The following SLC14A2 variants were observed in gnomAD, a reference collection of about 807,000 sequenced individuals.
SLC14A2 encodes urea transporter 2.
Under a neutral mutation model 104.6 loss-of-function variants are expected in SLC14A2, and 91 were observed. The ratio of observed to expected loss-of-function variants is 0.87; its 90% CI spans 0.73 to 1.04. SLC14A2 has a LOEUF of 1.04. SLC14A2 is among the 50% of genes least tolerant of loss of function. The pLI is 0.00. For missense variants in SLC14A2, 1,189 were observed against 1,156.0 expected (o/e 1.03, Z -0.41); for synonymous variants, 476 against 466.4 (o/e 1.02, Z -0.27).
At chr18:45,254,299 C>T (rs1324134730) in intron 1 of SLC14A2, among the ~76,000 whole-genome samples, 2 of 152,220 alleles carry the variant, frequency 1.3e-5, no homozygotes, top group African/African-American at 4.8e-5. Flanking sequence ...CAAGTCCTGG[C>T]ACCCTGGGGA....
At chr18:45,210,087 T>C (rs2083949449), upstream of SLC14A2, among the ~76,000 whole-genome samples, 1 of 152,172 alleles carries the variant, frequency 6.6e-6, no homozygotes, top group South Asian at 2.1e-4. Context: ...TGTCTCCAGA[T>C]CATGGTCGCT....
chr18:45,637,656 G>A (rs934263131), intron 6 of SLC14A2, among the ~76,000 whole-genome samples: 1 of 152,158 alleles, frequency 6.6e-6, no homozygotes, highest in Admixed American at 6.5e-5. Flanking sequence ...TGGTTCTCAG[G>A]CAGGGATAAT....
At chr18:45,192,386 G>T in the SLC14A2 span, among the ~76,000 whole-genome samples, 5 of 152,178 alleles carry the variant, frequency 3.3e-5, no homozygotes, top group Non-Finnish European at 7.4e-5. Context: ...GAGCATCCAT[G>T]TGCAAATCCT....
intron 1 of SLC14A2, among the ~76,000 whole-genome samples, chr18:45,388,331 G>A (rs1598744866): frequency 6.6e-6 from 1 of 151,924 alleles, no homozygotes; most frequent in Admixed American, 6.5e-5. Flanking sequence ...CAAAGTGCTG[G>A]GATTACAGGC....
intron 1 of SLC14A2, among the ~76,000 whole-genome samples, chr18:45,232,422 T>C (rs2084183706): frequency 6.6e-6 from 1 of 152,140 alleles, no homozygotes; most frequent in Admixed American, 6.5e-5. Flanking sequence ...CCCCCAACAT[T>C]GGGAATTACA....
chr18:45,373,584 G>A lies in SLC14A2; in HGVS notation c.-124-109649G>A, dbSNP rs2246772. Among the ~76,000 whole-genome samples, 519 of 152,282 alleles carry A rather than the reference G, an allele frequency of 3.4e-3. 4 individuals carry two copies. Among genetic ancestry groups the A allele is most frequent in the African/African-American group, 0.012 (500 of 41,566 alleles). On this transcript the variant is annotated intron_variant, in intron 1 of 20. Transcript: ENST00000586448. ...TTAAGTGGAACACCAGAGTCTAATA[G>A]GGGACAACTGGGGGCACTATATCAG...
At chr18:45,572,151 G>GTCTT in intron 2 of SLC14A2, among the ~76,000 whole-genome samples, 1 of 152,204 alleles carries the variant, frequency 6.6e-6, no homozygotes, top group East Asian at 1.9e-4. Context: ...GATTAGGTCA[G>GTCTT]TCTTTAAAGC....
At chr18:45,270,891 C>G (rs2084644392) in intron 1 of SLC14A2, among the ~76,000 whole-genome samples, 1 of 152,104 alleles carries the variant, frequency 6.6e-6, no homozygotes, top group South Asian at 2.1e-4. Flanking sequence ...TCACCAAAAC[C>G]AGCAAATGCA....
chr18:45,273,411 C>T lies in SLC14A2; in HGVS notation c.-125+60220C>T, dbSNP rs149554672. Among the ~76,000 whole-genome samples, 32 of 152,192 alleles carry T rather than the reference C, an allele frequency of 2.1e-4. No homozygotes were observed. The East Asian group carries it at 6.2e-3, about 29-fold the overall frequency. ...TGATTGGTTAGGCTTGAGTTATCTT[C>T]TCTGGAGGTAAAATCAAGATAACGT... On this transcript the variant is annotated intron_variant, in intron 1 of 20. Coordinates refer to the SLC14A2 transcript ENST00000586448.
At chr18:45,489,535 C>T (rs534383090) in intron 2 of SLC14A2, among the ~76,000 whole-genome samples, 5 of 152,130 alleles carry the variant, frequency 3.3e-5, no homozygotes, top group African/African-American at 1.2e-4. Context: ...AAACACAATA[C>T]TACTTGGGGG....
At chr18:45,244,651 G>C (rs1031057536) in intron 1 of SLC14A2, among the ~76,000 whole-genome samples, 5 of 151,994 alleles carry the variant, frequency 3.3e-5, no homozygotes, top group Admixed American at 6.6e-5. Context: ...GGGGGGGTGG[G>C]GGAGCAGGTG....
intron 11 of SLC14A2, among the ~76,000 whole-genome samples, chr18:45,665,746 G>A (rs1599147478): frequency 1.7e-5 from 2 of 117,412 alleles, no homozygotes; most frequent in African/African-American, 6.6e-5. Flanking sequence ...ATGTGGAACA[G>A]GAGAAAGAAC....
intron 1 of SLC14A2, among the ~76,000 whole-genome samples, chr18:45,388,668 A>G (rs2085928022): frequency 6.6e-6 from 1 of 152,184 alleles, no homozygotes; most frequent in African/African-American, 2.4e-5. Flanking sequence ...AACACTTAAG[A>G]ATAGGAATTC....
In SLC14A2 at chr18:45,262,493, G is replaced by A. The variant is rs537974352; in HGVS notation, c.-125+49302G>A. Among the ~76,000 whole-genome samples the A allele has an allele frequency of 3.9e-5, 6 of 152,302 alleles. No individual in the cohort carries two copies. In the South Asian group the frequency reaches 1.2e-3, roughly 32 times the overall value. On this transcript the variant is annotated intron_variant, in intron 1 of 20. Transcript: ENST00000586448. ...GGTCCGGACTCTCATTGTGTGCTTT[G>A]AGCCTAACCATAGCCCTGCCAGGGT...
chr18:45,664,968 G>T (rs191654581), intron 11 of SLC14A2, among the ~76,000 whole-genome samples: 1 of 152,290 alleles, frequency 6.6e-6, no homozygotes, highest in Non-Finnish European at 1.5e-5. Context: ...CTGCAGCACT[G>T]GCAGGCAGAG....
intron 1 of SLC14A2, among the ~76,000 whole-genome samples, chr18:45,215,946 G>C (rs1163629501): frequency 6.6e-6 from 1 of 152,112 alleles, no homozygotes; most frequent in Non-Finnish European, 1.5e-5. Flanking sequence ...TCTTCATACA[G>C]TGTACATTTA....
chr18:45,294,271 A>C lies in SLC14A2; in HGVS notation c.-125+81080A>C, dbSNP rs560938123. On this transcript the variant is annotated intron_variant, in intron 1 of 20. Transcript: ENST00000586448. The stretch of plus-strand genomic sequence containing the variant: ...GCAAGTATTACATTTTTACTGAAGA[A>C]AGTAAATTCTCAGCTATGCCATAGG... Among the ~76,000 whole-genome samples the C allele has an allele frequency of 2.0e-5, 3 of 152,362 alleles. No individual in the cohort carries two copies. The East Asian group carries it at 5.8e-4, about 29-fold the overall frequency.
chr18:45,175,020 G>A, the SLC14A2 span, among the ~76,000 whole-genome samples: 2 of 152,148 alleles, frequency 1.3e-5, no homozygotes, highest in South Asian at 2.1e-4. Flanking sequence ...GACATTGCTG[G>A]TGGGAATTTA....
intron 2 of SLC14A2, among the ~76,000 whole-genome samples, chr18:45,546,493 G>C (rs548834331): frequency 6.6e-6 from 1 of 152,304 alleles, no homozygotes; most frequent in African/African-American, 2.4e-5. Flanking sequence ...AGCTGCCTCT[G>C]TTTCTAACAC....
Sources: gnomAD v4.1 joint callset for allele counts (sites outside exome capture counted in the v4.1 genomes callset) on GRCh38, gnomAD v4.1.1 for gene constraint, MANE v1.5 for transcripts, NCBI Gene and HGNC (gene_info 2026-07-23, HGNC 2026-07-21) for gene names.